Variants in BRCA1 observed in about 807,000 individuals in gnomAD.
BRCA1 encodes breast cancer type 1 susceptibility protein.
BRCA1 carries 140 observed loss-of-function variants against 173.7 expected under a neutral mutation model. The observed-to-expected ratio is 0.81, with a 90% CI of 0.70 to 0.93. BRCA1 has a LOEUF of 0.93. BRCA1 is among the 40% of genes least tolerant of loss of function. The pLI is 0.00. For missense variants in BRCA1, 1,983 were observed against 2,172.5 expected, an observed-to-expected ratio of 0.91 and a Z score of 1.73; for synonymous variants, 662 against 756.0, an observed-to-expected ratio of 0.88 and a Z score of 2.04.
upstream of BRCA1, among the ~76,000 whole-genome samples, chr17:43,127,776 G>A (rs1454722990): frequency 6.6e-6 from 1 of 152,078 alleles, no homozygotes; most frequent in African/African-American, 2.4e-5. Context: ...TGTAATCCCA[G>A]CAATTTGGGA....
intron 2 of BRCA1, among the ~76,000 whole-genome samples, chr17:43,119,483 A>T (rs2055450617): frequency 6.6e-6 from 1 of 152,094 alleles, no homozygotes; most frequent in Non-Finnish European, 1.5e-5. Flanking sequence ...CTCTACCTGA[A>T]CCTGTTTCCT....
chr17:43,079,767 A>C, intron 12 of BRCA1: 1 of 1,190,780 alleles, frequency 8.4e-7, no homozygotes. Flanking sequence ...ATTCCCTATG[A>C]ATTCATGGCA....
In BRCA1 at chr17:43,092,406, C is replaced by T. The variant is rs767217821; in HGVS notation, c.3125G>A (p.Ser1042Asn). ...ACTGGAACCTACTTCATTAATATTG[C>T]TTGAGCTGGCTTCTTTAAAAACATT... is the stretch of plus-strand genomic sequence containing the variant. ...RENVFKEASS[S>N]NINEVGSSTN... The change falls in exon 10 of 23, where the codon AGC (serine) becomes AAC (asparagine). Residue 1042 changes from serine to asparagine, a missense_variant. Physicochemically the swap from Ser to Asn is conservative, Grantham distance 46 (BLOSUM62 1). Transcript: ENST00000357654. The T allele has an allele frequency of 6.2e-7, 1 of 1,613,874 alleles. No individual in the cohort carries two copies. The highest frequency in any genetic ancestry group is 8.5e-7 in the Non-Finnish European group (1 of 1,179,964).
At chr17:43,088,533 C>T (rs762827028) in intron 11 of BRCA1, among the ~76,000 whole-genome samples, 1 of 152,120 alleles carries the variant, frequency 6.6e-6, no homozygotes, top group Non-Finnish European at 1.5e-5. Context: ...CTTCAAGGTT[C>T]GTCCATGGAT....
upstream of BRCA1, among the ~76,000 whole-genome samples, chr17:43,128,960 A>C (rs2055940989): frequency 6.6e-6 from 1 of 151,934 alleles, no homozygotes; most frequent in Non-Finnish European, 1.5e-5. Flanking sequence ...TCCCGGCCTC[A>C]GCTTGGATAA....
upstream of BRCA1, among the ~76,000 whole-genome samples, chr17:43,128,650 G>T (rs928546540): frequency 2.0e-5 from 3 of 152,130 alleles, no homozygotes; most frequent in Non-Finnish European, 4.4e-5. Flanking sequence ...ACGATAACTG[G>T]AAGACTAGGA....
chr17:43,067,413 C>A (rs1369780272), intron 16 of BRCA1, 195 bp downstream of exon 16: 2 of 481,052 alleles, frequency 4.2e-6, no homozygotes. Context: ...CGCGACCACA[C>A]CCAGCTAATT....
chr17:43,157,178 T>C (rs1364739805), intron 1 of BRCA1, among the ~76,000 whole-genome samples: 1 of 152,214 alleles, frequency 6.6e-6, no homozygotes, highest in Non-Finnish European at 1.5e-5. Context: ...CTGCCAATAG[T>C]GACTTAGAGT....
chr17:43,100,231 C>T (rs1356690234), intron 6 of BRCA1, among the ~76,000 whole-genome samples: 1 of 151,492 alleles, frequency 6.6e-6, no homozygotes, highest in African/African-American at 2.4e-5. Context: ...TTTCTGTTGT[C>T]TTAAATTTTT....
At chr17:43,082,961 GTGT>G (rs1366854070) in intron 11 of BRCA1, among the ~76,000 whole-genome samples, 1 of 152,098 alleles carries the variant, frequency 6.6e-6, no homozygotes, top group Non-Finnish European at 1.5e-5. Context: ...CAAAGACTTG[GTGT>G]TGTGAGATTC....
At chr17:43,127,214 G>C (rs908789547), upstream of BRCA1, among the ~76,000 whole-genome samples, 5 of 152,236 alleles carry the variant, frequency 3.3e-5, no homozygotes, top group Admixed American at 6.5e-5. Context: ...GCAGGCGCCC[G>C]GCACAGCCCT....
intron 19 of BRCA1, among the ~76,000 whole-genome samples, chr17:43,054,639 C>T (rs551194188): frequency 6.5e-4 from 99 of 152,168 alleles, no homozygotes; most frequent in African/African-American, 2.2e-3. Context: ...CAGGGTCTTA[C>T]TATGTTGCCC....
chr17:43,072,280 T>C (rs1446954767), intron 14 of BRCA1, among the ~76,000 whole-genome samples: 1 of 151,598 alleles, frequency 6.6e-6, no homozygotes, highest in Admixed American at 6.6e-5. Flanking sequence ...TCCCAGCTAC[T>C]GGGGAGGCTG....
chr17:43,100,609 C>CATATATATATTAT (rs200083681), intron 6 of BRCA1, among the ~76,000 whole-genome samples: 1 of 65,756 alleles, frequency 1.5e-5, no homozygotes, highest in African/African-American at 6.7e-5. Context: ...ATATATATAA[C>CATATATATATTAT]ATATATATAA....
chr17:43,121,851 C>G (rs1483915452), intron 2 of BRCA1, among the ~76,000 whole-genome samples: 1 of 151,830 alleles, frequency 6.6e-6, no homozygotes, highest in Non-Finnish European at 1.5e-5. Flanking sequence ...TTTAATTTGC[C>G]AGAATGAGAA....
At chr17:43,067,890 TAAAAAAA>T (rs71157702) in intron 15 of BRCA1, among the ~76,000 whole-genome samples, 195 bp from the exon 16 acceptor site, 17 of 50,112 alleles carry the variant, frequency 3.4e-4, no homozygotes, top group African/African-American at 1.4e-3. Context: ...AGGCTGGAGG[TAAAAAAA>T]AAAAAAAAAA....
At chr17:43,127,949 G>A (rs1438120350), upstream of BRCA1, among the ~76,000 whole-genome samples, 6 of 150,952 alleles carry the variant, frequency 4.0e-5, no homozygotes, top group Non-Finnish European at 7.4e-5. Flanking sequence ...GCGTGAACCC[G>A]GGAGGCGGAG....
At chr17:43,128,311 A>G (rs1281409573), upstream of BRCA1, among the ~76,000 whole-genome samples, 1 of 152,206 alleles carries the variant, frequency 6.6e-6, no homozygotes, top group African/African-American at 2.4e-5. Flanking sequence ...TAAGAGCTGT[A>G]ACACTCACCG....
At chr17:43,144,347 G>A (rs2056102767) in intron 1 of BRCA1, 2 of 191,668 alleles carry the variant, frequency 1.0e-5, no homozygotes, top group African/African-American at 4.8e-5. Context: ...GCCACACAGT[G>A]CAGGTAGGCC....
Sources: allele counts gnomAD v4.1 joint callset (sites outside exome capture counted in the v4.1 genomes callset), GRCh38; gene constraint gnomAD v4.1.1; transcripts MANE v1.5; gene names NCBI Gene and HGNC (gene_info 2026-07-23, HGNC 2026-07-21).